The following SQOR variants were observed in gnomAD, a reference collection of about 807,000 sequenced individuals.
The protein encoded by SQOR is sulfide:quinone oxidoreductase, mitochondrial.
Under a neutral mutation model 48.6 loss-of-function variants are expected in SQOR, and 39 were observed. That is an observed-to-expected ratio of 0.80 (90% CI 0.62 to 1.05). The LOEUF is 1.05. Ranked by LOEUF, SQOR falls within the 50% of genes least tolerant of loss-of-function variation. SQOR has a pLI of 0.00. For synonymous variants in SQOR, 220 were observed against 206.2 expected (o/e 1.07, Z -0.57); for missense variants, 561 against 559.9 (o/e 1.00, Z -0.02).
chr15:45,680,294 G>T (rs1890105138), intron 6 of SQOR, among the ~76,000 whole-genome samples: 1 of 152,114 alleles, frequency 6.6e-6, no homozygotes, highest in African/African-American at 2.4e-5. Context: ...GGGTTTTGCT[G>T]TGTTGCTCAG....
chr15:45,648,463 A>C (rs921712039), intron 1 of SQOR, among the ~76,000 whole-genome samples: 1 of 152,262 alleles, frequency 6.6e-6, no homozygotes, highest in African/African-American at 2.4e-5. Flanking sequence ...GGCGTGAGCC[A>C]CCACACCCAG....
At chr15:45,667,216 C>A (rs1274153181) in intron 3 of SQOR, among the ~76,000 whole-genome samples, 3 of 143,944 alleles carry the variant, frequency 2.1e-5, no homozygotes, top group African/African-American at 7.8e-5. Context: ...CAGCTCACTG[C>A]TCCTTGAACT....
intron 6 of SQOR, among the ~76,000 whole-genome samples, chr15:45,678,442 C>T (rs1402284725): frequency 6.6e-6 from 1 of 152,096 alleles, no homozygotes; most frequent in Non-Finnish European, 1.5e-5. Context: ...TTTTTTCTTA[C>T]AGTGTTATCA....
At chr15:45,686,612 T>A (rs1280571311) in intron 7 of SQOR, among the ~76,000 whole-genome samples, 2 of 152,236 alleles carry the variant, frequency 1.3e-5, no homozygotes, top group Non-Finnish European at 2.9e-5. Flanking sequence ...AATTTTGTTT[T>A]TTCTCATTAT....
intron 1 of SQOR, among the ~76,000 whole-genome samples, chr15:45,646,957 A>C (rs746663480): frequency 1.3e-5 from 2 of 152,246 alleles, no homozygotes; most frequent in Non-Finnish European, 2.9e-5. Context: ...TGCCAAAAAA[A>C]CTTAATTTCT....
chr15:45,633,711 A>AG (rs1566911856), upstream of SQOR, among the ~76,000 whole-genome samples: 2 of 150,876 alleles, frequency 1.3e-5, no homozygotes, highest in African/African-American at 4.9e-5. Context: ...AAAAAAAAAA[A>AG]AAGAAGAAGA....
intron 1 of SQOR, among the ~76,000 whole-genome samples, chr15:45,649,035 T>G (rs1381250238): frequency 6.6e-6 from 1 of 152,260 alleles, no homozygotes; most frequent in Admixed American, 6.5e-5. Flanking sequence ...TCATTAAGAA[T>G]GCTCTGAGTA....
At chr15:45,647,569 C>T (rs1035398460) in intron 1 of SQOR, among the ~76,000 whole-genome samples, 27 of 151,912 alleles carry the variant, frequency 1.8e-4, no homozygotes, top group African/African-American at 5.8e-4. Context: ...TCAAGCAGTG[C>T]GCCCGCCTTG....
At chr15:45,688,494 CTT>C (rs1363188126) in intron 8 of SQOR, 90 bp downstream of exon 8, 38 of 926,144 alleles carry the variant, frequency 4.1e-5, no homozygotes, top group Non-Finnish European at 5.8e-5. Flanking sequence ...CACTTTCTGT[CTT>C]TTCTTTTTTT....
chr15:45,661,073 G>T (rs1021775245), intron 2 of SQOR, among the ~76,000 whole-genome samples: 2 of 152,038 alleles, frequency 1.3e-5, no homozygotes, highest in Admixed American at 1.3e-4. Context: ...CCTGAGGTCA[G>T]GAGTTCAAGA....
chr15:45,663,497 G>T (rs1211245989), intron 3 of SQOR, among the ~76,000 whole-genome samples: 1 of 152,114 alleles, frequency 6.6e-6, no homozygotes, highest in African/African-American at 2.4e-5. Flanking sequence ...TGAGCATGGT[G>T]GTTCACACCT....
Position 45,639,016 on chromosome 15 carries a change from G to C in SQOR, c.-18+3908G>C, listed in dbSNP as rs867830226. On this transcript the variant is annotated intron_variant, in intron 1 of 9. Coordinates refer to ENST00000260324, the MANE Select transcript of SQOR (RefSeq NM_021199.4). ...GACTTCATCTAGTCTATAGTGTTTT[G>C]TTATGGCAGCCCTAGAAAATTAATA... is the stretch of plus-strand genomic sequence containing the variant. Among the ~76,000 whole-genome samples, 8 of 152,170 alleles carry C rather than the reference G, an allele frequency of 5.3e-5. No individual in the cohort carries two copies. The South Asian group carries it at 1.7e-3, about 31-fold the overall frequency.
chr15:45,660,832 GT>G (rs1366136233), intron 2 of SQOR, among the ~76,000 whole-genome samples: 1 of 152,098 alleles, frequency 6.6e-6, no homozygotes, highest in Non-Finnish European at 1.5e-5. Context: ...CTCTCTGTGG[GT>G]TTTGGCAGTG....
chr15:45,669,145 A>ATT (rs1050810612), intron 3 of SQOR, among the ~76,000 whole-genome samples: 1 of 148,010 alleles, frequency 6.8e-6, no homozygotes, highest in African/African-American at 2.5e-5. Flanking sequence ...ACTAATATAT[A>ATT]TTTTTTATAT....
rs145954867 is a variant in SQOR, at chr15:45,673,633, T to G, written c.486T>G (p.Ala162=). 149 of 1,613,892 alleles carry G rather than the reference T, an allele frequency of 9.2e-5. No homozygotes were observed. The highest frequency in any genetic ancestry group is 1.2e-4 in the Non-Finnish European group (141 of 1,179,940). ...TTAAAGGCCTACCTGAAGGTTTCGC[T>G]CATCCCAAAATAGGGTCGAATTATT... is the stretch of plus-strand genomic sequence containing the variant. ...EKIKGLPEGF[A]HPKIGSNYSV... The change falls in exon 5 of 10, where the codon GCT becomes GCG. Residue 162 remains alanine, a synonymous_variant. Coordinates refer to ENST00000260324, the MANE Select transcript of SQOR (RefSeq NM_021199.4).
At chr15:45,639,120 C>T (rs1293932715) in intron 1 of SQOR, among the ~76,000 whole-genome samples, 1 of 152,136 alleles carries the variant, frequency 6.6e-6, no homozygotes, top group Non-Finnish European at 1.5e-5. Context: ...GTCATGATCC[C>T]GACATGTCCA....
chr15:45,667,941 C>CTTTTTT (rs1204451548), intron 3 of SQOR, among the ~76,000 whole-genome samples: 74 of 103,270 alleles, frequency 7.2e-4, no homozygotes, highest in Non-Finnish European at 8.5e-4. Flanking sequence ...TTCTTTCTTT[C>CTTTTTT]TTTTTTTTTT....
At chr15:45,683,466 G>C (rs762794924) in intron 7 of SQOR, among the ~76,000 whole-genome samples, 1 of 152,176 alleles carries the variant, frequency 6.6e-6, no homozygotes, top group Non-Finnish European at 1.5e-5. Context: ...TCTTCACCTC[G>C]ATGTTCTGCA....
At chr15:45,653,848 G>A (rs547743637) in intron 1 of SQOR, among the ~76,000 whole-genome samples, 2 of 152,082 alleles carry the variant, frequency 1.3e-5, no homozygotes, top group South Asian at 2.1e-4. Context: ...TTTAAAAGTG[G>A]CATTTAGGCT....
Sources: gnomAD v4.1 joint callset for allele counts (sites outside exome capture counted in the v4.1 genomes callset) on GRCh38, gnomAD v4.1.1 for gene constraint, MANE v1.5 for transcripts, NCBI Gene and HGNC (gene_info 2026-07-23, HGNC 2026-07-21) for gene names.